RPE: variants seen among roughly 807,000 people sequenced by gnomAD.
RPE encodes ribulose-phosphate 3-epimerase.
Under a neutral mutation model 24.6 loss-of-function variants are expected in RPE, and 16 were observed. That is an observed-to-expected ratio of 0.65 (90% CI 0.44 to 0.99). The LOEUF is 0.99. RPE is among the 50% of genes least tolerant of loss of function. The pLI, the probability that RPE is intolerant of heterozygous loss-of-function variation, is 0.00. For synonymous variants in RPE, 93 were observed against 98.4 expected, an observed-to-expected ratio of 0.94 and a Z score of 0.33; for missense variants, 240 against 294.5, an observed-to-expected ratio of 0.81 and a Z score of 1.35.
At position 210,017,509 on chromosome 2, in the gene RPE, A is replaced by G; in HGVS notation, c.514A>G (p.Ile172Val). Reference protein sequence around the residue: ...WLRTQFPSLDIEVDGGVGPDT... With the variant: ...WLRTQFPSLDVEVDGGVGPDT... ...GAGGACCCAGTTCCCATCTTTGGAT[A>G]TAGAGGTCGATGGTGGAGTAGGTCC... Residue 172 changes from isoleucine (I) to valine (V), a missense_variant, in exon 5 of 6, where the codon ATA becomes GTA. Physicochemically the swap from Ile to Val is conservative, Grantham distance 29. Transcript: ENST00000359429. 6.2e-7 allele frequency: 1 copy of G among 1,604,288 alleles called. No homozygotes were observed.
In RPE at chr2:210,015,971, A is replaced by G. The variant is rs1490943005; in HGVS notation, c.203-2A>G. On this transcript the variant is annotated splice_acceptor_variant, in intron 2 of 5. Transcript: ENST00000359429. LOFTEE classifies it high-confidence loss of function. ...ATATTTTGAAGTGTCTTTTCTTTCT[A>G]GACATGCACATGATGGTGTCCAAGC... 2 of 1,612,960 alleles carry G rather than the reference A, an allele frequency of 1.2e-6. No homozygotes were observed. The highest frequency in any genetic ancestry group is 1.1e-5 in the South Asian group (1 of 90,686).
At chr2:210,008,618 A>G (rs2093662381) in intron 1 of RPE, among the ~76,000 whole-genome samples, 1 of 151,292 alleles carries the variant, frequency 6.6e-6, no homozygotes, top group South Asian at 2.1e-4. Flanking sequence ...ATTTAAGTGA[A>G]CTAGTGATAG....
chr2:210,007,807 T>G (rs898864948), intron 1 of RPE, among the ~76,000 whole-genome samples: 1 of 152,266 alleles, frequency 6.6e-6, no homozygotes. Flanking sequence ...TAATACCTGC[T>G]GCTTTAACAA....
chr2:210,016,136 T>C (rs2093768107), intron 3 of RPE, 24 bp downstream of exon 3: 1 of 1,614,160 alleles, frequency 6.2e-7, no homozygotes, highest in Non-Finnish European at 8.5e-7. Context: ...ATGAGAGTGT[T>C]TTGTAACATT....
Position 210,002,799 on chromosome 2 carries a change from T to C in RPE, c.122+16T>C. 1 of 1,614,058 alleles carries C rather than the reference T, an allele frequency of 6.2e-7. No individual in the cohort carries two copies. Among genetic ancestry groups the C allele is most frequent in the Non-Finnish European group, 8.5e-7 (1 of 1,179,994 alleles). On this transcript the variant is annotated intron_variant, in intron 1 of 5. Transcript: ENST00000359429. ...TAATGGACGGGTAACTCCTCCGGGC[T>C]CCGGTCGGGCTTGCCGCGCGGCGGG...
chr2:210,017,423 A>AC, intron 4 of RPE, 50 bp from the exon 5 acceptor site: 1 of 437,598 alleles, frequency 2.3e-6, no homozygotes, highest in Non-Finnish European at 3.8e-6. Context: ...CCCCACCCCC[A>AC]CCAACATACC....
intron 1 of RPE, among the ~76,000 whole-genome samples, chr2:210,005,238 G>T (rs777091988): frequency 2.6e-5 from 4 of 152,052 alleles, no homozygotes; most frequent in Non-Finnish European, 5.9e-5. Flanking sequence ...TCCCAGGACT[G>T]CCTTCGTGTT....
intron 1 of RPE, among the ~76,000 whole-genome samples, chr2:210,008,589 G>A (rs75127550): frequency 2.8e-4 from 5 of 17,666 alleles, no homozygotes; most frequent in Middle Eastern, 0.17. Context: ...CACCATGCCC[G>A]GCCCCGGTTT....
At chr2:210,004,627 TG>T (rs2093605881) in intron 1 of RPE, among the ~76,000 whole-genome samples, 1 of 152,244 alleles carries the variant, frequency 6.6e-6, no homozygotes, top group Admixed American at 6.5e-5. Context: ...TACTTATTTT[TG>T]TTAACTTATT....
chr2:210,010,008 C>T (rs2093680137), intron 2 of RPE, among the ~76,000 whole-genome samples: 1 of 152,328 alleles, frequency 6.6e-6, no homozygotes, highest in South Asian at 2.1e-4. Flanking sequence ...TGAGCGTCCT[C>T]TCCCAAATTA....
intron 2 of RPE, among the ~76,000 whole-genome samples, chr2:210,013,504 G>A (rs2093729068): frequency 6.6e-6 from 1 of 151,850 alleles, no homozygotes; most frequent in Admixed American, 6.6e-5. Context: ...TTGTTGAGAA[G>A]GAGTCTTACT....
intron 1 of RPE, among the ~76,000 whole-genome samples, chr2:210,007,565 C>G (rs1452184481): frequency 1.3e-5 from 2 of 152,138 alleles, no homozygotes; most frequent in Non-Finnish European, 2.9e-5. Context: ...TTACACTAGC[C>G]AAAGTTGGTC....
intron 2 of RPE, among the ~76,000 whole-genome samples, chr2:210,011,437 G>A (rs890064676): frequency 6.6e-6 from 1 of 151,576 alleles, no homozygotes; most frequent in Non-Finnish European, 1.5e-5. Context: ...CTTTTATTTG[G>A]GCTCCCATTG....
rs1575303554 is a variant in RPE at position 210,009,647 on chromosome 2, T to G, written c.123-10T>G. 1.2e-6 allele frequency: 2 copies of G among 1,614,192 alleles called. No homozygotes were observed. The highest frequency in any genetic ancestry group is 2.2e-5 in the East Asian group (1 of 44,886). ...AAACATTTTCAGAGTAGATTTTGTT[T>G]GTCTTGTAGGCATTTTGTTCCCAAC... On this transcript the variant is annotated splice_polypyrimidine_tract_variant and intron_variant, in intron 1 of 5. Transcript: ENST00000359429.
Position 210,019,887 on chromosome 2 carries a change from C to G in RPE, c.*96C>G. 2 of 1,440,684 alleles carry G rather than the reference C, an allele frequency of 1.4e-6. No individual in the cohort carries two copies. The highest frequency in any genetic ancestry group is 1.9e-6 in the Non-Finnish European group (2 of 1,079,034). 89.2% of individuals were successfully genotyped at this position (1,440,684 alleles called of 1,614,324 possible). A position where few individuals can be genotyped will look rare whatever the true frequency, so the allele number is the denominator to read the frequency against. ...AAATCACAATGCAATTGAAGCCGTACTGCTTTTTTGAGCAGTTATTCATTC... is the reference window on the plus strand; with the variant it reads ...AAATCACAATGCAATTGAAGCCGTAGTGCTTTTTTGAGCAGTTATTCATTC... On this transcript the variant is annotated 3_prime_UTR_variant, in exon 6 of 6. Coordinates refer to ENST00000359429, the MANE Select transcript of RPE (RefSeq NM_199229.3).
chr2:210,005,827 T>C (rs1345020511), intron 1 of RPE, among the ~76,000 whole-genome samples: 1 of 152,200 alleles, frequency 6.6e-6, no homozygotes, highest in Non-Finnish European at 1.5e-5. Flanking sequence ...GATTCCTGAT[T>C]CACAGGAAGA....
chr2:210,002,892 C>T (rs1379317153), intron 1 of RPE, 109 bp downstream of exon 1: 11 of 1,588,396 alleles, frequency 6.9e-6, no homozygotes, highest in Non-Finnish European at 9.4e-6. Flanking sequence ...GAGCGCCTCA[C>T]TCTGAACGCG....
chr2:210,012,777 G>A (rs1559479315), intron 2 of RPE, among the ~76,000 whole-genome samples: 1 of 152,188 alleles, frequency 6.6e-6, no homozygotes, highest in Non-Finnish European at 1.5e-5. Flanking sequence ...AAAAACTTGT[G>A]TATCTTACCA....
In RPE at chr2:210,004,037, C is replaced by G. The variant is rs147433959; in HGVS notation, c.122+1254C>G. Among the ~76,000 whole-genome samples, 4 of 152,254 alleles carry G rather than the reference C, an allele frequency of 2.6e-5. No individual in the cohort carries two copies. The East Asian group carries it at 7.7e-4, about 29-fold the overall frequency. On this transcript the variant is annotated intron_variant, in intron 1 of 5. Transcript: ENST00000359429. ...TAATTGGCCATTATATGTAATTATACTTATATACTTTATTTTTGACATCTT... is the reference window on the plus strand; with the variant it reads ...TAATTGGCCATTATATGTAATTATAGTTATATACTTTATTTTTGACATCTT...
Sources: allele counts gnomAD v4.1 joint callset (sites outside exome capture counted in the v4.1 genomes callset), GRCh38; gene constraint gnomAD v4.1.1; transcripts MANE v1.5; gene names NCBI Gene and HGNC (gene_info 2026-07-23, HGNC 2026-07-21).